Variants in ANO6 observed in about 807,000 individuals in gnomAD.
ANO6 encodes the protein anoctamin 6, also known as anoctamin-6.
In ANO6, 106 loss-of-function variants were observed where a neutral mutation model predicts 117.5. The observed-to-expected ratio is 0.90, with a 90% CI of 0.77 to 1.06. ANO6 has a LOEUF of 1.06. Among genes scored for constraint, ANO6 ranks in the 50% least tolerant of loss-of-function variants. The probability of loss-of-function intolerance (pLI) is 0.00; values close to 1 mark genes in which losing one functional copy is unlikely to be tolerated. For synonymous variants in ANO6, 367 were observed against 385.1 expected, an observed-to-expected ratio of 0.95 and a Z score of 0.55; for missense variants, 955 against 1,121.1, an observed-to-expected ratio of 0.85 and a Z score of 2.12.
At chr12:45,374,886 T>C (rs1447928155) in intron 9 of ANO6, among the ~76,000 whole-genome samples, 1 of 152,126 alleles carries the variant, frequency 6.6e-6, no homozygotes, top group African/African-American at 2.4e-5. Flanking sequence ...ATAAAGGGTA[T>C]TCAATTAGGA....
At chr12:45,276,568 G>A (rs1191918158) in intron 1 of ANO6, among the ~76,000 whole-genome samples, 1 of 151,998 alleles carries the variant, frequency 6.6e-6, no homozygotes, top group Non-Finnish European at 1.5e-5. Context: ...CCCTCAGGGA[G>A]GCTCCTGTGA....
At chr12:45,238,921 T>A (rs1030333446) in intron 1 of ANO6, among the ~76,000 whole-genome samples, 1 of 152,256 alleles carries the variant, frequency 6.6e-6, no homozygotes, top group Non-Finnish European at 1.5e-5. Flanking sequence ...AGCTTTTTGA[T>A]GTGCTGCTGG....
Position 45,401,983 on chromosome 12 carries a change from C to T in ANO6, c.1575C>T (p.Thr525=), listed in dbSNP as rs756855890. The T allele has an allele frequency of 1.9e-6, 3 of 1,613,900 alleles. No individual in the cohort carries two copies. The highest frequency in any genetic ancestry group is 2.5e-6 in the Non-Finnish European group (3 of 1,179,948). ...ISFIIIMILN[T]IYEKVAIMIT... Reference sequence around the variant, plus strand: ...TTATAATTATCATGATTCTGAACACCATATATGAAAAAGTGGCAATTATGA... The same window carrying T: ...TTATAATTATCATGATTCTGAACACTATATATGAAAAAGTGGCAATTATGA... The change falls in exon 13 of 20, where the codon ACC becomes ACT. Residue 525 remains threonine (T), a synonymous_variant. Transcript: ENST00000320560.
chr12:45,253,965 G>A (rs906679154), intron 1 of ANO6, among the ~76,000 whole-genome samples: 12 of 152,210 alleles, frequency 7.9e-5, no homozygotes, highest in East Asian at 1.9e-4. Context: ...TCAAGAGATC[G>A]AGACCATCCT....
intron 11 of ANO6, among the ~76,000 whole-genome samples, chr12:45,388,673 T>G (rs1427792835): frequency 6.6e-6 from 1 of 152,186 alleles, no homozygotes; most frequent in East Asian, 1.9e-4. Flanking sequence ...CACGTATACT[T>G]TCATTATTCC....
In ANO6 at chr12:45,430,775, T is replaced by G. The variant is rs3803179; in HGVS notation, c.*1464T>G. ...TAGCAGTCTACTTCACTTTATTGCC[T>G]TGTAAGTGTCAGGCCTCCTGGGCGC... On this transcript the variant is annotated 3_prime_UTR_variant, in exon 20 of 20. Transcript: ENST00000320560. 0.049 allele frequency: 48,002 copies of G among 985,290 alleles called. 1,667 individuals carry two copies. Among genetic ancestry groups the G allele is most frequent in the East Asian group, 0.32 (2,770 of 8,786 alleles). The allele number at this position is 985,290 out of a possible 1,614,324, so 61.0% of individuals were successfully genotyped here. A position where few individuals can be genotyped will look rare whatever the true frequency, so the allele number is the denominator to read the frequency against.
intron 1 of ANO6, among the ~76,000 whole-genome samples, chr12:45,245,672 T>G (rs772515523): frequency 1.3e-5 from 2 of 152,130 alleles, no homozygotes; most frequent in Non-Finnish European, 2.9e-5. Flanking sequence ...CTGTTAAAGC[T>G]TTCTGAGCCT....
At position 45,364,595 on chromosome 12, in the gene ANO6, A is replaced by AT. The variant is rs561704586; in HGVS notation, c.999-3086dup. 1.6e-3 allele frequency among the ~76,000 whole-genome samples: 236 copies of AT among 152,070 alleles called. 1 individual carries two copies. The highest frequency in any genetic ancestry group is 5.4e-3 in the African/African-American group (225 of 41,494). ...TATCTGCCGAGGAGCCCTTCTAATGATTTTTTTATTTTAGTTATTGTACTT... is the reference window on the plus strand; with the variant it reads ...TATCTGCCGAGGAGCCCTTCTAATGATTTTTTTTATTTTAGTTATTGTACTT... On this transcript the variant is annotated intron_variant, in intron 8 of 19. Coordinates refer to ENST00000320560, the MANE Select transcript of ANO6 (RefSeq NM_001025356.3).
intron 1 of ANO6, among the ~76,000 whole-genome samples, chr12:45,281,344 C>G (rs115951586): frequency 1.8e-4 from 28 of 152,168 alleles, no homozygotes; most frequent in African/African-American, 6.7e-4. Context: ...TTATTCCATT[C>G]TTGTGTTGCT....
In ANO6 at chr12:45,396,097, C is replaced by T. The variant is rs189568598; in HGVS notation, c.1386+5599C>T. ...TGATTTTATATTTAGAAAACCCCATCATCTCAGCCCAAAATCTCCTTAAGC... is the reference window on the plus strand; with the variant it reads ...TGATTTTATATTTAGAAAACCCCATTATCTCAGCCCAAAATCTCCTTAAGC... On this transcript the variant is annotated intron_variant, in intron 12 of 19. Transcript: ENST00000320560. Among the ~76,000 whole-genome samples, 27 of 152,258 alleles carry T rather than the reference C, an allele frequency of 1.8e-4. No individual in the cohort carries two copies. The East Asian group carries it at 4.6e-3, about 26-fold the overall frequency.
At chr12:45,286,569 T>G (rs1938922509) in intron 1 of ANO6, among the ~76,000 whole-genome samples, 1 of 152,232 alleles carries the variant, frequency 6.6e-6, no homozygotes, top group Non-Finnish European at 1.5e-5. Flanking sequence ...ATGGTTTTCC[T>G]TATCTTCAGT....
intron 1 of ANO6, among the ~76,000 whole-genome samples, chr12:45,281,517 AT>A (rs1462535409): frequency 6.6e-6 from 1 of 152,198 alleles, no homozygotes; most frequent in Non-Finnish European, 1.5e-5. Flanking sequence ...AGCATGTCCC[AT>A]AGCGAGAGCA....
At position 45,348,195 on chromosome 12, in the gene ANO6, C is replaced by A; in HGVS notation, c.513C>A (p.Asp171Glu). 1 of 1,613,896 alleles carries A rather than the reference C, an allele frequency of 6.2e-7. No homozygotes were observed. The highest frequency in any genetic ancestry group is 8.5e-7 in the Non-Finnish European group (1 of 1,179,934). The change falls in exon 5 of 20, where the codon GAC becomes GAA. Residue 171 changes from aspartate (D) to glutamate (E), a missense_variant. Coordinates refer to ENST00000320560, the MANE Select transcript of ANO6 (RefSeq NM_001025356.3). ...LNWFTKVLSV[D>E]ESIIKPEQEF... ...GGTTTACCAAAGTCCTCAGTGTAGA[C>A]GAAAGCATCATCAAGCCAGAGCAAG...
intron 2 of ANO6, among the ~76,000 whole-genome samples, chr12:45,319,114 T>C (rs1372973863): frequency 6.6e-6 from 1 of 152,210 alleles, no homozygotes; most frequent in Non-Finnish European, 1.5e-5. Flanking sequence ...TATTTCTTTC[T>C]CCTGCCTGAT....
At position 45,396,323 on chromosome 12, in the gene ANO6, C is replaced by T. The variant is rs577243537; in HGVS notation, c.1387-5472C>T. On this transcript the variant is annotated intron_variant, in intron 12 of 19. Coordinates refer to ENST00000320560, the MANE Select transcript of ANO6 (RefSeq NM_001025356.3). Reference sequence around the variant, plus strand: ...CTTCTTCAAGGAGAACTACAAACCACTGCTCAACGAAATAAAAGAGAACAC... The same window carrying T: ...CTTCTTCAAGGAGAACTACAAACCATTGCTCAACGAAATAAAAGAGAACAC... 7.2e-5 allele frequency among the ~76,000 whole-genome samples: 11 copies of T among 152,294 alleles called. No homozygotes were observed. The South Asian group carries it at 1.4e-3, about 20-fold the overall frequency.
At chr12:45,357,206 T>C in intron 7 of ANO6, 84 bp from the exon 8 acceptor site, 1 of 1,501,854 alleles carries the variant, frequency 6.7e-7, no homozygotes, top group South Asian at 1.1e-5. Flanking sequence ...GCCTCTCCTT[T>C]ATTTAAAATC....
chr12:45,332,781 C>T (rs748058873), intron 3 of ANO6, among the ~76,000 whole-genome samples: 5 of 151,934 alleles, frequency 3.3e-5, no homozygotes, highest in African/African-American at 1.2e-4. Flanking sequence ...CGGGTCATCC[C>T]GAATATCAAC....
chr12:45,308,048 ATT>A lies in ANO6; in HGVS notation c.150+5978_150+5979del, dbSNP rs1218638312. ...GTGTGTGTCTGTGTGTGTGTGTGTAATTTTTTTTTTTTTTTTTTTTTTTTGCC... is the reference window on the plus strand; with the variant it reads ...GTGTGTGTCTGTGTGTGTGTGTGTAATTTTTTTTTTTTTTTTTTTTTTGCC... On this transcript the variant is annotated intron_variant, in intron 2 of 19. Transcript: ENST00000320560. Among the ~76,000 whole-genome samples, 421 of 69,254 alleles carry A rather than the reference ATT, an allele frequency of 6.1e-3. 1 individual carries two copies. Among genetic ancestry groups the A allele is most frequent in the African/African-American group, 0.022 (395 of 18,292 alleles). The allele number at this position is 69,254 out of a possible 152,430, so 45.4% of individuals were successfully genotyped here.
intron 1 of ANO6, among the ~76,000 whole-genome samples, chr12:45,266,988 A>G (rs746278675): frequency 3.3e-5 from 5 of 152,150 alleles, no homozygotes; most frequent in Non-Finnish European, 5.9e-5. Flanking sequence ...AGATGAGGCC[A>G]TCAGCATCAC....
Sources: allele counts gnomAD v4.1 joint callset (sites outside exome capture counted in the v4.1 genomes callset), GRCh38; gene constraint gnomAD v4.1.1; transcripts MANE v1.5; gene names NCBI Gene and HGNC (gene_info 2026-07-23, HGNC 2026-07-21).